Variants in MCC observed in about 807,000 individuals in gnomAD.
The protein encoded by MCC is MCC regulator of Wnt signaling pathway, also known as colorectal mutant cancer protein.
A neutral mutation model predicts 116.2 loss-of-function variants in MCC; 90 were observed. The observed-to-expected ratio is 0.77, with a 90% CI of 0.65 to 0.92. The LOEUF is 0.92. Among genes scored for constraint, MCC ranks in the 40% least tolerant of loss-of-function variants. The probability of loss-of-function intolerance (pLI) is 0.00; values close to 1 mark genes in which losing one functional copy is unlikely to be tolerated. For synonymous variants in MCC, 578 were observed against 510.5 expected (o/e 1.13, Z -1.78); for missense variants, 1,516 against 1,312.2 (o/e 1.16, Z -2.40).
chr5:113,051,029 C>A (rs1752448755), intron 15 of MCC, among the ~76,000 whole-genome samples: 1 of 152,212 alleles, frequency 6.6e-6, no homozygotes, highest in Non-Finnish European at 1.5e-5. Flanking sequence ...AAAGAAAAAT[C>A]TCTTTCCAGG....
intron 8 of MCC, among the ~76,000 whole-genome samples, chr5:113,091,786 G>A (rs1467131727): frequency 6.6e-6 from 1 of 152,160 alleles, no homozygotes; most frequent in African/African-American, 2.4e-5. Context: ...TCAGGAGGCT[G>A]AGGTGGGAGG....
At chr5:113,467,427 T>TTGCTTG (rs1410494348) in intron 1 of MCC, among the ~76,000 whole-genome samples, 1 of 152,162 alleles carries the variant, frequency 6.6e-6, no homozygotes, top group African/African-American at 2.4e-5. Flanking sequence ...CCCAGCACCA[T>TTGCTTG]TTATTAAATA....
intron 11 of MCC, among the ~76,000 whole-genome samples, chr5:113,082,406 A>G (rs187710146): frequency 3.3e-4 from 51 of 152,346 alleles, no homozygotes; most frequent in African/African-American, 1.2e-3. Flanking sequence ...TGCCTCTAGG[A>G]TGCTGACTCA....
chr5:113,046,691 A>AG (rs1752104837), intron 16 of MCC, among the ~76,000 whole-genome samples: 1 of 106,366 alleles, frequency 9.4e-6, no homozygotes, highest in African/African-American at 4.3e-5. Context: ...AAGGCAAAAA[A>AG]AAAAAAAAAA....
intron 11 of MCC, among the ~76,000 whole-genome samples, chr5:113,080,129 C>A (rs1754747562): frequency 6.6e-6 from 1 of 152,146 alleles, no homozygotes; most frequent in African/African-American, 2.4e-5. Flanking sequence ...GTTAGAATGG[C>A]AATCATTAAA....
intron 2 of MCC, among the ~76,000 whole-genome samples, chr5:113,357,177 A>G (rs1033665274): frequency 6.6e-6 from 1 of 152,240 alleles, no homozygotes; most frequent in Non-Finnish European, 1.5e-5. Flanking sequence ...TAAAGTTAAA[A>G]TATGTACAGC....
At chr5:113,415,473 T>C (rs1201161495) in intron 1 of MCC, among the ~76,000 whole-genome samples, 1 of 152,216 alleles carries the variant, frequency 6.6e-6, no homozygotes, top group Non-Finnish European at 1.5e-5. Flanking sequence ...TTTCTTTTTA[T>C]GCTTTTTTCT....
At chr5:113,290,298 G>T (rs1766432285) in intron 3 of MCC, among the ~76,000 whole-genome samples, 2 of 152,026 alleles carry the variant, frequency 1.3e-5, no homozygotes, top group African/African-American at 4.8e-5. Flanking sequence ...GATTTCCAGG[G>T]GCATCCAATG....
intron 1 of MCC, among the ~76,000 whole-genome samples, chr5:113,406,025 G>A (rs186809277): frequency 2.0e-5 from 3 of 152,024 alleles, no homozygotes; most frequent in Admixed American, 1.3e-4. Flanking sequence ...TCTCAAAAGC[G>A]GCACAATTCA....
intron 15 of MCC, 34 bp from the exon 16 acceptor site, chr5:113,049,333 T>C (rs758046010): frequency 6.6e-7 from 1 of 1,513,352 alleles, no homozygotes; most frequent in Non-Finnish European, 8.9e-7. Flanking sequence ...ACATGAGGCA[T>C]GCCCTATCTG....
At chr5:113,444,938 C>T (rs1771165247) in intron 1 of MCC, among the ~76,000 whole-genome samples, 1 of 152,118 alleles carries the variant, frequency 6.6e-6, no homozygotes, top group Non-Finnish European at 1.5e-5. Flanking sequence ...AAAAGTGAGG[C>T]TCAATGCATT....
chr5:113,143,443 C>A, intron 4 of MCC, 83 bp from the exon 5 acceptor site: 1 of 1,458,214 alleles, frequency 6.9e-7, no homozygotes, highest in Non-Finnish European at 9.4e-7. Context: ...GGCCTTAAAC[C>A]ATTACAACTG....
chr5:113,463,205 G>A (rs1771794343), intron 1 of MCC, among the ~76,000 whole-genome samples: 1 of 152,090 alleles, frequency 6.6e-6, no homozygotes, highest in African/African-American at 2.4e-5. Flanking sequence ...GGCAAGATGA[G>A]GTAGGAGAGG....
At chr5:113,410,691 C>T (rs1769965659) in intron 1 of MCC, among the ~76,000 whole-genome samples, 1 of 152,162 alleles carries the variant, frequency 6.6e-6, no homozygotes, top group African/African-American at 2.4e-5. Flanking sequence ...TGTGCCATGT[C>T]GGATTGCTGC....
intron 2 of MCC, among the ~76,000 whole-genome samples, chr5:113,378,081 T>C (rs1769028661): frequency 6.6e-6 from 1 of 152,168 alleles, no homozygotes; most frequent in Non-Finnish European, 1.5e-5. Flanking sequence ...AGATTTTGTA[T>C]ATATTAATTA....
chr5:113,153,276 C>T (rs576537536), intron 3 of MCC, among the ~76,000 whole-genome samples: 5 of 152,270 alleles, frequency 3.3e-5, no homozygotes, highest in African/African-American at 1.2e-4. Flanking sequence ...ATTATATCTC[C>T]CCTCCTACTT....
chr5:113,151,866 T>C (rs958675279), intron 3 of MCC, among the ~76,000 whole-genome samples: 2 of 152,112 alleles, frequency 1.3e-5, no homozygotes, highest in East Asian at 1.9e-4. Context: ...GTCATCTAAA[T>C]TGCTGCATAT....
At position 113,132,443 on chromosome 5, in the gene MCC, TACACACACACACACAC is replaced by T. The variant is rs140363649; in HGVS notation, c.885-9633_885-9618del. Among the ~76,000 whole-genome samples the T allele has an allele frequency of 2.7e-3, 99 of 36,492 alleles. 3 individuals carry two copies. The highest frequency in any genetic ancestry group is 5.8e-3 in the South Asian group (4 of 686). The allele number at this position is 36,492 out of a possible 152,430, so 23.9% of individuals were successfully genotyped here. On this transcript the variant is annotated intron_variant, in intron 5 of 18. Transcript: ENST00000408903. ...ACACACATACATATATATATATATA[TACACACACACACACAC>T]ACACACACACACACACACATACATA...
At chr5:113,412,907 T>C (rs1580345406) in intron 1 of MCC, among the ~76,000 whole-genome samples, 1 of 152,210 alleles carries the variant, frequency 6.6e-6, no homozygotes, top group South Asian at 2.1e-4. Context: ...GGCTGTGGGT[T>C]TGTCATAAAT....
Sources: gnomAD v4.1 joint callset for allele counts (sites outside exome capture counted in the v4.1 genomes callset) on GRCh38, gnomAD v4.1.1 for gene constraint, MANE v1.5 for transcripts, NCBI Gene and HGNC (gene_info 2026-07-23, HGNC 2026-07-21) for gene names.